The following CACNB3 variants were observed in gnomAD, a reference collection of about 807,000 sequenced individuals.
The protein encoded by CACNB3 is calcium voltage-gated channel auxiliary subunit beta 3, also known as voltage-dependent L-type calcium channel subunit beta-3.
In CACNB3, 36 loss-of-function variants were observed where a neutral mutation model predicts 63.7. The ratio of observed to expected loss-of-function variants is 0.57; its 90% CI spans 0.43 to 0.75. The LOEUF is 0.75. Ranked by LOEUF, CACNB3 falls within the 30% of genes least tolerant of loss-of-function variation. The pLI, the probability that CACNB3 is intolerant of heterozygous loss-of-function variation, is 0.00. For synonymous variants in CACNB3, 241 were observed against 250.6 expected (o/e 0.96, Z 0.36); for missense variants, 493 against 648.6 (o/e 0.76, Z 2.61).
chr12:48,815,718 T>A (rs1275913400), upstream of CACNB3: 9 of 1,212,078 alleles, frequency 7.4e-6, no homozygotes, highest in Admixed American at 1.9e-4. Context: ...GCAACCTTCC[T>A]GCTGAACGAG....
upstream of CACNB3, chr12:48,814,552 A>G: frequency 6.6e-7 from 1 of 1,522,442 alleles, no homozygotes; most frequent in South Asian, 1.2e-5. This position sits in a 1 kb window ranked among gnomAD's most constrained non-coding sequence, Gnocchi z 6.9. Flanking sequence ...ACCAGGATGG[A>G]GGTAGGGACG....
At chr12:48,824,998 G>A (rs1262945332) in intron 6 of CACNB3, 30 bp downstream of exon 6, 5 of 1,604,766 alleles carry the variant, frequency 3.1e-6, no homozygotes, top group East Asian at 2.2e-5. Context: ...TGGGCTGGGG[G>A]GATCATGGCT....
rs1447758433 is a variant in CACNB3 at position 48,825,574 on chromosome 12, C to T, written c.632+82C>T. 2 of 1,586,346 alleles carry T rather than the reference C, an allele frequency of 1.3e-6. No individual in the cohort carries two copies. The highest frequency in any genetic ancestry group is 3.3e-5 in the Admixed American group (2 of 59,984). ...TCCAGATGCCTGTAGCTAGTCTTCT[C>T]TAAGGGAAGAGTTAGTGGGAGCTGA... On this transcript the variant is annotated intron_variant, in intron 8 of 12. Transcript: ENST00000301050. This position sits in a 1 kb window ranked among gnomAD's most constrained non-coding sequence, Gnocchi z 4.5.
At position 48,826,749 on chromosome 12, in the gene CACNB3, C is replaced by T. The variant is rs1565670300; in HGVS notation, c.895-10C>T. On this transcript the variant is annotated splice_polypyrimidine_tract_variant and intron_variant, in intron 10 of 12. Transcript: ENST00000301050. The surrounding 1 kb of genome is among the most constrained non-coding windows in gnomAD (Gnocchi z 4.8). Reference sequence around the variant, plus strand: ...GAGACTCCAGGCCTAGCTCTGCCCTCCCCGCTCAGGTACTCCAGCGTCTCA... The same window carrying T: ...GAGACTCCAGGCCTAGCTCTGCCCTTCCCGCTCAGGTACTCCAGCGTCTCA... 1 of 1,611,148 alleles carries T rather than the reference C, an allele frequency of 6.2e-7. No individual in the cohort carries two copies. The highest frequency in any genetic ancestry group is 1.1e-5 in the South Asian group (1 of 91,012).
Position 48,825,786 on chromosome 12 carries a change from A to G in CACNB3, c.742+17A>G, listed in dbSNP as rs2453469. 632,573 of 1,576,918 alleles carry G rather than the reference A, an allele frequency of 0.4. 130,250 individuals carry two copies. The highest frequency in any genetic ancestry group is 0.53 in the Admixed American group (31,877 of 59,700). On this transcript the variant is annotated intron_variant, in intron 9 of 12. Coordinates refer to ENST00000301050, the MANE Select transcript of CACNB3 (RefSeq NM_000725.4). The surrounding 1 kb of genome is among the most constrained non-coding windows in gnomAD (Gnocchi z 4.5). The stretch of plus-strand genomic sequence containing the variant: ...CCAGCATTGGTGAGAAGTCCCCACC[A>G]CCTGCTTCTGTGCCCACTCAAGTGC...
chr12:48,824,149 A>G, intron 3 of CACNB3, 109 bp from the exon 4 acceptor site: 1 of 932,032 alleles, frequency 1.1e-6, no homozygotes, highest in African/African-American at 1.7e-5. Flanking sequence ...CTTGCATTGC[A>G]TTCCTCAGAC....
chr12:48,826,575 A>G lies in CACNB3; in HGVS notation c.894+57A>G, dbSNP rs1478665052. On this transcript the variant is annotated intron_variant, in intron 10 of 12. Coordinates refer to ENST00000301050, the MANE Select transcript of CACNB3 (RefSeq NM_000725.4). This position sits in a 1 kb window ranked among gnomAD's most constrained non-coding sequence, Gnocchi z 4.8. Reference sequence around the variant, plus strand: ...CAGGGCTATCCTACTAGAATGTGGCATGATTCTACTTGGTCCCTGCCTGGG... The same window carrying G: ...CAGGGCTATCCTACTAGAATGTGGCGTGATTCTACTTGGTCCCTGCCTGGG... 2 of 1,601,578 alleles carry G rather than the reference A, an allele frequency of 1.2e-6. No homozygotes were observed. The highest frequency in any genetic ancestry group is 2.2e-5 in the East Asian group (1 of 44,698).
intron 4 of CACNB3, 101 bp downstream of exon 4, chr12:48,824,474 AATACAC>A: frequency 8.8e-7 from 1 of 1,132,718 alleles, no homozygotes; most frequent in Non-Finnish European, 1.3e-6. Context: ...ATCCCCCTGA[AATACAC>A]ATACACGTAT....
chr12:48,826,168 C>T lies in CACNB3; in HGVS notation c.743-199C>T. 1 of 602,442 alleles carries T rather than the reference C, an allele frequency of 1.7e-6. No homozygotes were observed. The highest frequency in any genetic ancestry group is 2.9e-5 in the Admixed American group (1 of 34,262). The allele number at this position is 602,442 out of a possible 1,614,324, so 37.3% of individuals were successfully genotyped here. On this transcript the variant is annotated intron_variant, in intron 9 of 12. Transcript: ENST00000301050. This position sits in a 1 kb window ranked among gnomAD's most constrained non-coding sequence, Gnocchi z 4.8. Reference sequence around the variant, plus strand: ...TCTTCCTTACCTCCTTGTCTTTCTGCCCAACTCCTCTACCTGCCCCCAGGA... The same window carrying T: ...TCTTCCTTACCTCCTTGTCTTTCTGTCCAACTCCTCTACCTGCCCCCAGGA...
At chr12:48,819,748 G>C (rs1029451573) in intron 1 of CACNB3, 1 of 434,160 alleles carries the variant, frequency 2.3e-6, no homozygotes, top group African/African-American at 2.1e-5. Context: ...GAAGCGCTTT[G>C]CTCAGAGAAA....
chr12:48,826,315 G>C lies in CACNB3; in HGVS notation c.743-52G>C. 6.2e-7 allele frequency: 1 copy of C among 1,600,674 alleles called. No homozygotes were observed. The highest frequency in any genetic ancestry group is 8.6e-7 in the Non-Finnish European group (1 of 1,168,430). On this transcript the variant is annotated intron_variant, in intron 9 of 12. Coordinates refer to ENST00000301050, the MANE Select transcript of CACNB3 (RefSeq NM_000725.4). The surrounding 1 kb of genome is among the most constrained non-coding windows in gnomAD (Gnocchi z 4.8). ...TCGGGAGCCCTCAAAGCCTGCTGGAGTGAGCAGTGGGCAGAGCTCCTGGTG... is the reference window on the plus strand; with the variant it reads ...TCGGGAGCCCTCAAAGCCTGCTGGACTGAGCAGTGGGCAGAGCTCCTGGTG...
chr12:48,815,497 G>A (rs531757441), upstream of CACNB3: 8 of 1,366,694 alleles, frequency 5.9e-6, no homozygotes, highest in African/African-American at 7.3e-5. Flanking sequence ...AAGGGAGAGG[G>A]AGGGAGGGAG....
At chr12:48,815,793 G>C (rs1001773188), upstream of CACNB3, 6 of 1,072,738 alleles carry the variant, frequency 5.6e-6, no homozygotes, top group African/African-American at 4.7e-5. Flanking sequence ...GGAGAGCTCC[G>C]CTCCAAGCTA....
chr12:48,821,252 G>A (rs1171744503), intron 1 of CACNB3: 1 of 151,990 alleles, frequency 6.6e-6, no homozygotes, highest in African/African-American at 2.4e-5. Flanking sequence ...CAATGCTTTG[G>A]GAGGCTAAGG....
At chr12:48,815,685 CTA>C, upstream of CACNB3, 1 of 1,505,400 alleles carries the variant, frequency 6.6e-7, no homozygotes, top group African/African-American at 1.5e-5. Context: ...CTAGCCTGGT[CTA>C]TGTCTTTTTC....
chr12:48,823,663 A>G lies in CACNB3; in HGVS notation c.169-18A>G, dbSNP rs889726378. The G allele has an allele frequency of 3.1e-6, 5 of 1,613,944 alleles. No homozygotes were observed. Among genetic ancestry groups the G allele is most frequent in the Middle Eastern group, 1.6e-4 (1 of 6,084 alleles). ...CTTCGAGCCTTCTCTCACTTGCACT[A>G]ATGGGCAAATTCTCCAGCACAAACC... On this transcript the variant is annotated intron_variant, in intron 2 of 12. Coordinates refer to ENST00000301050, the MANE Select transcript of CACNB3 (RefSeq NM_000725.4). The surrounding 1 kb of genome is among the most constrained non-coding windows in gnomAD (Gnocchi z 4.2).
At position 48,826,494 on chromosome 12, in the gene CACNB3, C is replaced by G. The variant is rs1380672106; in HGVS notation, c.870C>G (p.Val290=). 2 of 1,614,040 alleles carry G rather than the reference C, an allele frequency of 1.2e-6. No homozygotes were observed. Among genetic ancestry groups the G allele is most frequent in the Non-Finnish European group, 1.7e-6 (2 of 1,180,010 alleles). ...LAKTSLAPII[V]FVKVSSPKVL... is the part of the protein sequence containing the mutation. ...AGACCTCGCTGGCCCCCATCATCGTCTTTGTCAAAGTGTCCTCACCAAAGG... is the reference window on the plus strand; with the variant it reads ...AGACCTCGCTGGCCCCCATCATCGTGTTTGTCAAAGTGTCCTCACCAAAGG... The change falls in exon 10 of 13, where the codon GTC becomes GTG. Residue 290 remains valine (V), a synonymous_variant. Transcript: ENST00000301050. The surrounding 1 kb of genome is among the most constrained non-coding windows in gnomAD (Gnocchi z 4.8).
Position 48,827,709 on chromosome 12 carries a change from C to T in CACNB3, c.1265C>T (p.Ser422Phe), listed in dbSNP as rs1938226883. The T allele has an allele frequency of 6.2e-7, 1 of 1,614,000 alleles. No homozygotes were observed. The highest frequency in any genetic ancestry group is 8.5e-7 in the Non-Finnish European group (1 of 1,180,036). ...QAWTGSSQRS[S>F]RHLEEDYADA... The stretch of plus-strand genomic sequence containing the variant: ...TGGACAGGATCTTCACAGCGTAGCT[C>T]CCGCCACCTGGAGGAGGACTATGCA... Residue 422 changes from serine to phenylalanine, a missense_variant, in exon 13 of 13, where the codon TCC becomes TTC. Ser to Phe is a radical substitution (Grantham distance 155). Transcript: ENST00000301050.
upstream of CACNB3, chr12:48,817,051 A>G: frequency 1.0e-6 from 1 of 969,430 alleles, no homozygotes; most frequent in Non-Finnish European, 1.2e-6. Context: ...AGAATCCAGT[A>G]TATGACCAAA....
Sources: allele counts gnomAD v4.1 joint callset, GRCh38; gene constraint gnomAD v4.1.1; non-coding constraint Gnocchi (gnomAD v3.1); transcripts MANE v1.5; gene names NCBI Gene and HGNC (gene_info 2026-07-23, HGNC 2026-07-21).